USP11: variants seen among roughly 807,000 people sequenced by gnomAD.
The protein encoded by USP11 is ubiquitin carboxyl-terminal hydrolase 11.
Under a neutral mutation model 72.8 loss-of-function variants are expected in USP11, and 5 were observed. The observed-to-expected ratio is 0.07, with a 90% CI of 0.04 to 0.14. The LOEUF (loss-of-function observed/expected upper bound fraction) is 0.14, where lower values mean the gene tolerates loss of function less well. USP11 is among the 10% of genes least tolerant of loss of function. The pLI is 1.00. For synonymous variants in USP11, 368 were observed against 326.5 expected (o/e 1.13, Z -1.37); for missense variants, 480 against 794.7 (o/e 0.60, Z 4.76).
Position 47,244,414 on chromosome X carries a change from C to G in USP11, c.1791-84C>G. ...GGTTTACATGTGGATCTACCAATGG[C>G]TTCCCATTATCTTAAGTAAAATCCC... On this transcript the variant is annotated intron_variant, in intron 13 of 20. Coordinates refer to ENST00000377107, the MANE Select transcript of USP11 (RefSeq NM_001371072.1). The G allele has an allele frequency of 3.7e-6, 4 of 1,081,842 alleles. No homozygotes were observed. The South Asian group carries it at 6.2e-5, about 17-fold the overall frequency. 89.2% of individuals were successfully genotyped at this position (1,081,842 alleles called of 1,213,427 possible).
At chrX:47,245,544 C>A in intron 17 of USP11, 62 bp downstream of exon 17, 2 of 543,181 alleles carry the variant, frequency 3.7e-6, no homozygotes, top group Non-Finnish European at 5.6e-6. Context: ...CTATATTTAG[C>A]TTTTTTTTTT....
In USP11 at chrX:47,248,116, T is replaced by TC. The variant is rs2055446864; in HGVS notation, c.*188dup. 4 of 635,746 alleles carry TC rather than the reference T, an allele frequency of 6.3e-6. No homozygotes were observed. Among genetic ancestry groups the TC allele is most frequent in the Non-Finnish European group, 9.1e-6 (4 of 437,907 alleles). The allele number at this position is 635,746 out of a possible 1,213,427, so 52.4% of individuals were successfully genotyped here. ...CCGGGAAAGAACAGGTCGTGTCTCC[T>TC]CCTAGCAGTGCGCGCCCCGCCTGTG... On this transcript the variant is annotated 3_prime_UTR_variant, in exon 21 of 21. Coordinates refer to ENST00000377107, the MANE Select transcript of USP11 (RefSeq NM_001371072.1).
chrX:47,236,959 A>G (rs899338494), intron 1 of USP11, among the ~76,000 whole-genome samples: 3 of 112,041 alleles, frequency 2.7e-5, no homozygotes, highest in Admixed American at 9.5e-5. Context: ...TGATTTTTTT[A>G]AAGTGTCTTT....
rs762951783 is a variant in USP11 at position 47,244,872 on chromosome X, G to A, written c.2034G>A (p.Thr678=). 12 of 1,211,845 alleles carry A rather than the reference G, an allele frequency of 9.9e-6. No individual in the cohort carries two copies. Among genetic ancestry groups the A allele is most frequent in the South Asian group, 3.5e-5 (2 of 56,990 alleles). Residue 678 remains threonine, a synonymous_variant, in exon 15 of 21, where the codon ACG becomes ACA. Transcript: ENST00000377107. The stretch of plus-strand genomic sequence containing the variant: ...GCAAGCAGCTGTTCACCCTGCAGAC[G>A]GTGAACTCCAATGGGACCAGCGACC... ...RRRKQLFTLQ[T]VNSNGTSDRT...
At position 47,240,420 on chromosome X, in the gene USP11, G is replaced by A. The variant is rs1216422431; in HGVS notation, c.651G>A (p.Thr217=). 2 of 1,211,853 alleles carry A rather than the reference G, an allele frequency of 1.7e-6. No individual in the cohort carries two copies. The highest frequency in any genetic ancestry group is 1.8e-5 in the South Asian group (1 of 56,970). The change falls in exon 5 of 21, where the codon ACG becomes ACA. Residue 217 remains threonine (T), a synonymous_variant. Transcript: ENST00000377107. Reference sequence around the variant, plus strand: ...ATAGGTTGTATGACACACACATCACGGTTCTCGATGCGGCCCTTGAGACTG... The same window carrying A: ...ATAGGTTGTATGACACACACATCACAGTTCTCGATGCGGCCCTTGAGACTG... ...SLDRLYDTHI[T]VLDAALETGQ...
At chrX:47,241,146 C>T in intron 7 of USP11, 131 bp from the exon 8 acceptor site, 1 of 678,378 alleles carries the variant, frequency 1.5e-6, no homozygotes, top group Non-Finnish European at 2.2e-6. Flanking sequence ...TACTCTCCTG[C>T]TCCTCTCTCT....
rs148528939 is a variant in USP11 at position 47,246,348 on chromosome X, A to G, written c.2271-724A>G. 2.2e-3 allele frequency among the ~76,000 whole-genome samples: 243 copies of G among 112,222 alleles called. 2 individuals are homozygous for G. The highest frequency in any genetic ancestry group is 7.7e-3 in the African/African-American group (237 of 30,888). Reference sequence around the variant, plus strand: ...AAAGAGAACCAAAACCACACTCCCTAGTCTCAGAAATAAGAGCAGCATGTC... The same window carrying G: ...AAAGAGAACCAAAACCACACTCCCTGGTCTCAGAAATAAGAGCAGCATGTC... On this transcript the variant is annotated intron_variant, in intron 17 of 20. Coordinates refer to ENST00000377107, the MANE Select transcript of USP11 (RefSeq NM_001371072.1).
At chrX:47,238,446 C>T (rs1235356898) in intron 1 of USP11, among the ~76,000 whole-genome samples, 7 of 105,177 alleles carry the variant, frequency 6.7e-5, no homozygotes, top group Non-Finnish European at 1.2e-4. Flanking sequence ...TCTTGACCTC[C>T]CAAAGTGCTG....
rs759805823 is a variant in USP11, at chrX:47,247,715, T to A, written c.2625+16T>A. On this transcript the variant is annotated intron_variant, in intron 20 of 20. Transcript: ENST00000377107. ...TCAGATCGAGGTGTGACTTCCATCC[T>A]ACCTCCTCCCCTTCTTCCTTTCTGA... 17 of 1,209,519 alleles carry A rather than the reference T, an allele frequency of 1.4e-5. No individual in the cohort carries two copies. Among genetic ancestry groups the A allele is most frequent in the Middle Eastern group, 2.3e-4 (1 of 4,349 alleles).
intron 7 of USP11, 42 bp from the exon 8 acceptor site, chrX:47,241,235 G>C: frequency 8.7e-7 from 1 of 1,154,497 alleles, no homozygotes; most frequent in Admixed American, 2.7e-5. Context: ...TGAACCTTCT[G>C]TCTCCCCTCT....
intron 3 of USP11, 105 bp downstream of exon 3, chrX:47,239,586 C>T (rs1024193873): frequency 1.5e-5 from 17 of 1,096,878 alleles, no homozygotes; most frequent in Admixed American, 2.5e-5. Flanking sequence ...ACACATATGT[C>T]TGCTCTCTTC....
intron 1 of USP11, among the ~76,000 whole-genome samples, chrX:47,235,345 C>A (rs1047538990): frequency 8.9e-6 from 1 of 112,195 alleles, no homozygotes; most frequent in African/African-American, 3.2e-5. Flanking sequence ...CACATGGCAT[C>A]ATTGGTGATG....
intron 12 of USP11, among the ~76,000 whole-genome samples, chrX:47,242,927 G>A (rs910045378): frequency 8.0e-5 from 9 of 111,823 alleles, no homozygotes; most frequent in Middle Eastern, 9.2e-3. Flanking sequence ...CCAAGATCAC[G>A]CCACTGCACT....
intron 1 of USP11, among the ~76,000 whole-genome samples, chrX:47,237,764 A>G (rs2055379436): frequency 9.3e-6 from 1 of 107,027 alleles, no homozygotes. Flanking sequence ...CAGAAATGCC[A>G]CAGCAGAACA....
chrX:47,236,705 T>C (rs1188694882), intron 1 of USP11, among the ~76,000 whole-genome samples: 2 of 112,352 alleles, frequency 1.8e-5, no homozygotes, highest in Non-Finnish European at 3.8e-5. Flanking sequence ...TTTCAACAAA[T>C]TTGAGGAAGC....
rs778654765 is a variant in USP11 at position 47,241,424 on chromosome X, C to T, written c.994C>T (p.Arg332Cys). The T allele has an allele frequency of 3.3e-6, 4 of 1,208,371 alleles. No individual in the cohort carries two copies. Among genetic ancestry groups the T allele is most frequent in the South Asian group, 3.6e-5 (2 of 56,327 alleles). Residue 332 changes from arginine to cysteine, a missense_variant, in exon 8 of 21, where the codon CGC (arginine) becomes TGC (cysteine). Transcript: ENST00000377107. The part of the protein sequence containing the change: ...LVKQAWSGHH[R>C]SIVPHVFKNK... ...GAAGCAGGCGTGGTCTGGCCACCAC[C>T]GCTCCATTGTGCCACATGTGTTCAA...
chrX:47,233,507 G>T (rs902466692), intron 1 of USP11: 9 of 962,161 alleles, frequency 9.4e-6, no homozygotes, highest in Middle Eastern at 4.4e-4. Flanking sequence ...CCTGCGTAGT[G>T]AAACTGCGTA....
chrX:47,240,200 T>C, intron 4 of USP11, 105 bp from the exon 5 acceptor site: 3 of 1,065,822 alleles, frequency 2.8e-6, no homozygotes, highest in Non-Finnish European at 3.8e-6. Flanking sequence ...GACACAGGTA[T>C]TGGCCAAGCA....
intron 1 of USP11, among the ~76,000 whole-genome samples, chrX:47,237,776 GT>G (rs2046260332): frequency 5.3e-4 from 15 of 28,096 alleles, no homozygotes; most frequent in Non-Finnish European, 1.6e-3. Context: ...AGCAGAACAG[GT>G]GTGTGTGTAT....
Sources: gnomAD v4.1 joint callset for allele counts (sites outside exome capture counted in the v4.1 genomes callset) on GRCh38, gnomAD v4.1.1 for gene constraint, MANE v1.5 for transcripts, NCBI Gene and HGNC (gene_info 2026-07-23, HGNC 2026-07-21) for gene names.